The following PLEKHA7 variants were observed in gnomAD, a reference collection of about 807,000 sequenced individuals.
PLEKHA7 encodes pleckstrin homology domain-containing family A member 7.
Under a neutral mutation model 170.0 loss-of-function variants are expected in PLEKHA7, and 104 were observed. The ratio of observed to expected loss-of-function variants is 0.61; its 90% CI spans 0.52 to 0.72. The LOEUF is 0.72. Ranked by LOEUF, PLEKHA7 falls within the 30% of genes least tolerant of loss-of-function variation. The pLI is 0.00. For synonymous variants in PLEKHA7, 648 were observed against 660.8 expected, an observed-to-expected ratio of 0.98 and a Z score of 0.30; for missense variants, 1,615 against 1,671.7, an observed-to-expected ratio of 0.97 and a Z score of 0.59.
At chr11:16,886,595 C>T (rs1196890275) in intron 3 of PLEKHA7, among the ~76,000 whole-genome samples, 1 of 151,778 alleles carries the variant, frequency 6.6e-6, no homozygotes, top group Non-Finnish European at 1.5e-5. Flanking sequence ...CCTGTAATCT[C>T]ATCTACTCAG....
intron 13 of PLEKHA7, among the ~76,000 whole-genome samples, chr11:16,804,897 G>A (rs1031397516): frequency 1.3e-5 from 2 of 152,172 alleles, no homozygotes; most frequent in Non-Finnish European, 2.9e-5. Context: ...TGCGGGGGGG[G>A]CGGTGCAGGG....
intron 3 of PLEKHA7, among the ~76,000 whole-genome samples, chr11:16,977,352 C>T (rs1422093849): frequency 2.0e-5 from 3 of 152,168 alleles, no homozygotes; most frequent in African/African-American, 7.2e-5. Flanking sequence ...TCAGCCCAGA[C>T]CTTCCACTGT....
At chr11:16,839,620 TTCTTG>T (rs1851796662) in intron 9 of PLEKHA7, among the ~76,000 whole-genome samples, 1 of 152,072 alleles carries the variant, frequency 6.6e-6, no homozygotes, top group South Asian at 2.1e-4. Flanking sequence ...CAGACTTATT[TTCTTG>T]TCATTATTGC....
intron 3 of PLEKHA7, among the ~76,000 whole-genome samples, chr11:16,877,455 G>GT (rs1316017899): frequency 6.6e-6 from 1 of 152,148 alleles, no homozygotes; most frequent in Non-Finnish European, 1.5e-5. Context: ...TTCCTCAATT[G>GT]TTTTTTAAGC....
At chr11:16,906,274 G>GGAAGGAAGGAAA (rs1857675965) in intron 3 of PLEKHA7, among the ~76,000 whole-genome samples, 1 of 85,974 alleles carries the variant, frequency 1.2e-5, no homozygotes, top group Admixed American at 1.2e-4. Flanking sequence ...AAGGAAGGAA[G>GGAAGGAAGGAAA]GAAGGAAAGA....
At chr11:16,785,342 G>A (rs183317248) in intron 24 of PLEKHA7, among the ~76,000 whole-genome samples, 51 of 152,342 alleles carry the variant, frequency 3.3e-4, no homozygotes, top group African/African-American at 1.2e-3. Flanking sequence ...CTCTTGTGCA[G>A]TTTCCAGGCA....
Position 16,794,935 on chromosome 11 carries a change from A to G in PLEKHA7, c.2493T>C (p.Ile831=), listed in dbSNP as rs367650459. Residue 831 remains isoleucine (I), a synonymous_variant, in exon 18 of 27, where the codon ATT becomes ATC. Transcript: ENST00000531066. ...GLSANKENFR[I]LVESVKNPER... Reference sequence around the variant, plus strand: ...CCGGATTTTTTACTGACTCCACTAGAATTCTGAAGTTCTCTTTATTTGCAC... The same window carrying G: ...CCGGATTTTTTACTGACTCCACTAGGATTCTGAAGTTCTCTTTATTTGCAC... 1.2e-4 allele frequency: 186 copies of G among 1,612,518 alleles called. No homozygotes were observed. Among genetic ancestry groups the G allele is most frequent in the Non-Finnish European group, 1.5e-4 (182 of 1,179,058 alleles).
chr11:16,802,676 T>C (rs1181988302), intron 15 of PLEKHA7, among the ~76,000 whole-genome samples: 1 of 152,024 alleles, frequency 6.6e-6, no homozygotes, highest in Non-Finnish European at 1.5e-5. Context: ...GCCTCCTGAG[T>C]AGCTGGGATT....
chr11:16,792,063 G>C (rs1847900375), intron 19 of PLEKHA7, among the ~76,000 whole-genome samples: 1 of 152,204 alleles, frequency 6.6e-6, no homozygotes, highest in South Asian at 2.1e-4. Flanking sequence ...GTTCAGGAAA[G>C]AGCACTCCAA....
chr11:16,981,875 G>C lies in PLEKHA7; in HGVS notation c.221+32114C>G, dbSNP rs1038758956. Among the ~76,000 whole-genome samples, 5 of 152,292 alleles carry C rather than the reference G, an allele frequency of 3.3e-5. No homozygotes were observed. In the East Asian group the frequency reaches 9.7e-4, roughly 29 times the overall value. On this transcript the variant is annotated intron_variant, in intron 3 of 26. Coordinates refer to ENST00000531066, the MANE Select transcript of PLEKHA7 (RefSeq NM_001329630.2). Reference sequence around the variant, plus strand: ...GGCAACCAAACAGGCTGTCGTCATGGAGCCGGAATGCAGGGTCCTGGCCCT... The same window carrying C: ...GGCAACCAAACAGGCTGTCGTCATGCAGCCGGAATGCAGGGTCCTGGCCCT...
intron 3 of PLEKHA7, among the ~76,000 whole-genome samples, chr11:16,884,840 A>AT (rs1855961883): frequency 6.6e-6 from 1 of 152,136 alleles, no homozygotes; most frequent in Non-Finnish European, 1.5e-5. Flanking sequence ...AACATTTCTA[A>AT]TTTTTTTACA....
At chr11:16,988,445 T>C (rs1250801479) in intron 3 of PLEKHA7, among the ~76,000 whole-genome samples, 1 of 152,180 alleles carries the variant, frequency 6.6e-6, no homozygotes. Flanking sequence ...TCCTTCTTTC[T>C]TCCTTTCTTC....
intron 13 of PLEKHA7, among the ~76,000 whole-genome samples, chr11:16,811,191 C>T (rs1354797820): frequency 6.6e-6 from 1 of 152,212 alleles, no homozygotes; most frequent in Non-Finnish European, 1.5e-5. Context: ...TGAGTTTCCA[C>T]TGTCACATAC....
At chr11:16,984,906 G>A (rs1179991807) in intron 3 of PLEKHA7, among the ~76,000 whole-genome samples, 2 of 152,204 alleles carry the variant, frequency 1.3e-5, no homozygotes, top group African/African-American at 4.8e-5. Flanking sequence ...CTGAAGCTCA[G>A]AAAAGTTGAC....
In PLEKHA7 at chr11:16,794,704, C is replaced by T. The variant is rs750019736; in HGVS notation, c.2529G>A (p.Thr843=). 48 of 1,613,734 alleles carry T rather than the reference C, an allele frequency of 3.0e-5. No homozygotes were observed. In the African/African-American group the frequency reaches 4.3e-4, roughly 14 times the overall value. ...CAGGCGGGTGAGGAAACAAAGGCAC[C>T]GTTTTTCTCTCTAAGGGGCATAGAA... ...VESVKNPERK[T]VPLFPHPPVP... is the part of the protein sequence containing the mutation. The change falls in exon 19 of 27, where the codon ACG becomes ACA. Residue 843 remains threonine, a synonymous_variant. Transcript: ENST00000531066.
intron 3 of PLEKHA7, among the ~76,000 whole-genome samples, chr11:17,005,522 ACT>A (rs1045163168): frequency 2.2e-4 from 33 of 152,150 alleles, no homozygotes; most frequent in South Asian, 4.2e-4. Context: ...ACAGAGCAAA[ACT>A]CTGTCTCAAA....
intron 5 of PLEKHA7, chr11:16,855,555 C>A (rs941752502): frequency 2.2e-6 from 1 of 464,444 alleles, no homozygotes; most frequent in Non-Finnish European, 3.8e-6. Context: ...CCCAACCATG[C>A]GAGGAAAGTG....
intron 3 of PLEKHA7, among the ~76,000 whole-genome samples, chr11:16,955,740 TG>T (rs762306813): frequency 3.7e-4 from 56 of 152,086 alleles, no homozygotes; most frequent in Non-Finnish European, 7.6e-4. Flanking sequence ...AGCTCTAGAA[TG>T]GGGGCTTGGG....
At chr11:16,834,103 C>T (rs571656448) in intron 9 of PLEKHA7, among the ~76,000 whole-genome samples, 64 of 152,250 alleles carry the variant, frequency 4.2e-4, no homozygotes, top group Non-Finnish European at 7.3e-4. Flanking sequence ...CTCCTCCTCC[C>T]GGGTTCAAGC....
Sources: allele counts gnomAD v4.1 joint callset (sites outside exome capture counted in the v4.1 genomes callset), GRCh38; gene constraint gnomAD v4.1.1; transcripts MANE v1.5; gene names NCBI Gene and HGNC (gene_info 2026-07-23, HGNC 2026-07-21).